Variants in RPH3AL observed in about 807,000 individuals in gnomAD.
RPH3AL encodes the protein rabphilin 3A like (without C2 domains), also known as rab effector Noc2.
A neutral mutation model predicts 43.1 loss-of-function variants in RPH3AL; 38 were observed. The ratio of observed to expected loss-of-function variants is 0.88; its 90% CI spans 0.68 to 1.15. RPH3AL has a LOEUF of 1.15. Ranked by LOEUF, RPH3AL falls within the 50% of genes most tolerant of loss-of-function variation. The probability of loss-of-function intolerance (pLI) is 0.00; values close to 1 mark genes in which losing one functional copy is unlikely to be tolerated. For synonymous variants in RPH3AL, 189 were observed against 176.3 expected (o/e 1.07, Z -0.57); for missense variants, 462 against 423.2 (o/e 1.09, Z -0.81).
At chr17:350,023 G>T (rs765562679) in intron 1 of RPH3AL, among the ~76,000 whole-genome samples, 2 of 152,208 alleles carry the variant, frequency 1.3e-5, no homozygotes, top group African/African-American at 4.8e-5. Context: ...TACTGCAGAT[G>T]CGATCTCCCT....
intron 6 of RPH3AL, among the ~76,000 whole-genome samples, chr17:249,142 C>G (rs1458579878): frequency 1.3e-5 from 2 of 152,160 alleles, no homozygotes; most frequent in Non-Finnish European, 2.9e-5. Flanking sequence ...ACTGTATAGC[C>G]TCTTTTCTGA....
chr17:251,762 G>T (rs2041907196), intron 6 of RPH3AL, among the ~76,000 whole-genome samples: 1 of 152,240 alleles, frequency 6.6e-6, no homozygotes, highest in Admixed American at 6.5e-5. Context: ...TGCCAGCCAA[G>T]GGCTCGCTAC....
intron 6 of RPH3AL, among the ~76,000 whole-genome samples, chr17:254,480 A>G (rs76652674): frequency 1.9e-3 from 18 of 9,464 alleles, no homozygotes; most frequent in Admixed American, 2.5e-3. Flanking sequence ...CCCTAGGAAT[A>G]TGACTACCCT....
rs573948627 is a variant in RPH3AL at position 344,292 on chromosome 17, G to A, written c.-213+8420C>T. 6.1e-4 allele frequency among the ~76,000 whole-genome samples: 70 copies of A among 115,122 alleles called. 9 individuals carry two copies. Among genetic ancestry groups the A allele is most frequent in the South Asian group, 2.2e-3 (7 of 3,178 alleles). The allele number at this position is 115,122 out of a possible 152,430, so 75.5% of individuals were successfully genotyped here. A position where few individuals can be genotyped will look rare whatever the true frequency, so the allele number is the denominator to read the frequency against. On this transcript the variant is annotated intron_variant, in intron 1 of 9. Transcript: ENST00000331302. The stretch of plus-strand genomic sequence containing the variant: ...CCATCACCACCATCACTGTCATCTC[G>A]GTTACCACCACCATCACTATAATCA...
intron 6 of RPH3AL, among the ~76,000 whole-genome samples, chr17:258,072 C>T (rs1025507089): frequency 1.3e-5 from 2 of 152,106 alleles, no homozygotes; most frequent in African/African-American, 2.4e-5. Flanking sequence ...CGCAGCAACC[C>T]GTGTCAGCAC....
chr17:273,086 C>A, intron 6 of RPH3AL, among the ~76,000 whole-genome samples: 1 of 135,172 alleles, frequency 7.4e-6, no homozygotes, highest in Non-Finnish European at 1.6e-5. Context: ...GGGAGAGACC[C>A]CAGCGAGGGT....
intron 1 of RPH3AL, among the ~76,000 whole-genome samples, chr17:352,127 T>C (rs1282371692): frequency 1.3e-5 from 2 of 152,184 alleles, no homozygotes; most frequent in Non-Finnish European, 2.9e-5. Context: ...CGGCCCCATC[T>C]CACAGTTATC....
Position 349,625 on chromosome 17 carries a change from C to G in RPH3AL, c.-213+3087G>C, listed in dbSNP as rs150321904. Among the ~76,000 whole-genome samples, 1,490 of 151,420 alleles carry G rather than the reference C, an allele frequency of 9.8e-3. 32 individuals are homozygous for G. Among genetic ancestry groups the G allele is most frequent in the African/African-American group, 0.034 (1,379 of 41,040 alleles). ...TTGCTTGAGGCCAGGAGTTCGAGACCAACCTGGGCAATGTAGCAAGACCCC... is the reference window on the plus strand; with the variant it reads ...TTGCTTGAGGCCAGGAGTTCGAGACGAACCTGGGCAATGTAGCAAGACCCC... On this transcript the variant is annotated intron_variant, in intron 1 of 9. Coordinates refer to ENST00000331302, the MANE Select transcript of RPH3AL (RefSeq NM_006987.4).
intron 2 of RPH3AL, chr17:332,763 GC>G (rs1324408904): frequency 6.6e-6 from 2 of 302,088 alleles, no homozygotes; most frequent in African/African-American, 2.2e-5. Context: ...TTGCTGAGGG[GC>G]TGGTGCCCCC....
At chr17:298,228 C>A (rs571124641) in intron 5 of RPH3AL, among the ~76,000 whole-genome samples, 4 of 152,348 alleles carry the variant, frequency 2.6e-5, no homozygotes, top group African/African-American at 9.6e-5. Context: ...TCTGCCCCCA[C>A]CAGCTCAGTG....
At chr17:299,067 G>C (rs1208288186) in intron 5 of RPH3AL, among the ~76,000 whole-genome samples, 1 of 151,850 alleles carries the variant, frequency 6.6e-6, no homozygotes, top group Non-Finnish European at 1.5e-5. Context: ...AGGCTTCGGG[G>C]GGAGGGAGGG....
intron 5 of RPH3AL, among the ~76,000 whole-genome samples, chr17:295,463 G>A (rs1232051473): frequency 1.5e-5 from 1 of 67,594 alleles, no homozygotes; most frequent in Admixed American, 1.5e-4. Context: ...TGCAGAAATG[G>A]ATGGACAGAG....
chr17:219,542 T>TTTA, intron 8 of RPH3AL, 81 bp downstream of exon 8: 2 of 374,904 alleles, frequency 5.3e-6, no homozygotes, highest in East Asian at 4.5e-5. Flanking sequence ...TTTTTTTTTT[T>TTTA]GAGATGGAGT....
intron 7 of RPH3AL, among the ~76,000 whole-genome samples, chr17:243,245 T>C (rs185546605): frequency 2.3e-4 from 33 of 141,372 alleles, no homozygotes; most frequent in African/African-American, 4.5e-4. Flanking sequence ...CCTCTATTGA[T>C]TACCTTTCTC....
intron 6 of RPH3AL, among the ~76,000 whole-genome samples, chr17:254,714 C>T (rs79488387): frequency 0.015 from 13 of 848 alleles, no homozygotes; most frequent in African/African-American, 0.031. Flanking sequence ...TGAGGGGAGC[C>T]GCACGGCGTC....
intron 1 of RPH3AL, among the ~76,000 whole-genome samples, chr17:337,393 A>AC (rs772900064): frequency 1.3e-5 from 2 of 152,094 alleles, no homozygotes; most frequent in African/African-American, 2.4e-5. Flanking sequence ...ACGCCACGAC[A>AC]CCCAGCCTGC....
chr17:344,021 A>G (rs2045186868), intron 1 of RPH3AL, among the ~76,000 whole-genome samples: 2 of 109,752 alleles, frequency 1.8e-5, no homozygotes, highest in Admixed American at 1.9e-4. Flanking sequence ...CACCATCATC[A>G]CTATCATCAC....
At chr17:304,264 A>G (rs1282176451) in intron 5 of RPH3AL, among the ~76,000 whole-genome samples, 1 of 151,958 alleles carries the variant, frequency 6.6e-6, no homozygotes, top group Non-Finnish European at 1.5e-5. Context: ...CCTCATTGCA[A>G]TCCTTGCAAC....
At chr17:317,444 A>G (rs79067401) in intron 5 of RPH3AL, among the ~76,000 whole-genome samples, 2 of 81,944 alleles carry the variant, frequency 2.4e-5, no homozygotes, top group African/African-American at 8.2e-5. Flanking sequence ...CCTGTAGTCC[A>G]TGTGCCCCCA....
Sources: gnomAD v4.1 joint callset for allele counts (sites outside exome capture counted in the v4.1 genomes callset) on GRCh38, gnomAD v4.1.1 for gene constraint, MANE v1.5 for transcripts, NCBI Gene and HGNC (gene_info 2026-07-23, HGNC 2026-07-21) for gene names.